TENM2: variants seen among roughly 807,000 people sequenced by gnomAD.
TENM2 encodes the protein teneurin transmembrane protein 2.
TENM2 carries 52 observed loss-of-function variants against 245.2 expected under a neutral mutation model. The observed-to-expected ratio is 0.21, with a 90% CI of 0.17 to 0.27. The LOEUF (loss-of-function observed/expected upper bound fraction) is 0.27, where lower values mean the gene tolerates loss of function less well. Among genes scored for constraint, TENM2 ranks in the 10% least tolerant of loss-of-function variants. TENM2 has a pLI of 1.00. For synonymous variants in TENM2, 1,363 were observed against 1,438.9 expected (o/e 0.95, Z 1.19); for missense variants, 3,046 against 3,666.8 (o/e 0.83, Z 4.37).
the TENM2 span, among the ~76,000 whole-genome samples, chr5:167,196,069 TG>T: frequency 6.6e-6 from 1 of 152,178 alleles, no homozygotes; most frequent in African/African-American, 2.4e-5. Flanking sequence ...TCGCAGAATG[TG>T]CTTACACAAA....
At chr5:168,252,843 G>T in intron 27 of TENM2, among the ~76,000 whole-genome samples, 1 of 149,080 alleles carries the variant, frequency 6.7e-6, no homozygotes, top group African/African-American at 2.5e-5. Flanking sequence ...GCGAAACTCA[G>T]TCTCAAAAAA....
intron 1 of TENM2, among the ~76,000 whole-genome samples, chr5:167,325,045 C>A (rs1194475633): frequency 6.6e-6 from 1 of 152,116 alleles, no homozygotes; most frequent in East Asian, 1.9e-4. Flanking sequence ...AGTGTTCATT[C>A]CCCTTCCACC....
At chr5:167,531,875 G>GA (rs1771529899) in intron 2 of TENM2, among the ~76,000 whole-genome samples, 1 of 152,248 alleles carries the variant, frequency 6.6e-6, no homozygotes, top group East Asian at 1.9e-4. Flanking sequence ...GTCCATACTT[G>GA]AACTCCTATA....
intron 2 of TENM2, among the ~76,000 whole-genome samples, chr5:167,531,086 T>G (rs1771467813): frequency 6.6e-6 from 1 of 152,196 alleles, no homozygotes; most frequent in Admixed American, 6.5e-5. Flanking sequence ...AATATTCTGT[T>G]GACAAATCTT....
At chr5:167,953,107 G>T (rs551246784) in intron 4 of TENM2, among the ~76,000 whole-genome samples, 1 of 152,106 alleles carries the variant, frequency 6.6e-6, no homozygotes, top group Non-Finnish European at 1.5e-5. Flanking sequence ...TTACTCGAAG[G>T]CTCATGGGAA....
chr5:167,024,827 C>CT, the TENM2 span, among the ~76,000 whole-genome samples: 1 of 152,184 alleles, frequency 6.6e-6, no homozygotes, highest in Admixed American at 6.5e-5. Context: ...CCAGATTCAT[C>CT]TTTTTTCAAC....
rs76155764 is a variant in TENM2, at chr5:167,635,633, C to CTTTT, written c.503-240327_503-240324dup. 3.9e-3 allele frequency among the ~76,000 whole-genome samples: 294 copies of CTTTT among 74,920 alleles called. 46 individuals are homozygous for CTTTT. Among genetic ancestry groups the CTTTT allele is most frequent in the African/African-American group, 0.014 (233 of 16,848 alleles). The allele number at this position is 74,920 out of a possible 152,430, so 49.2% of individuals were successfully genotyped here. A position where few individuals can be genotyped will look rare whatever the true frequency, so the allele number is the denominator to read the frequency against. On this transcript the variant is annotated intron_variant, in intron 2 of 28. Coordinates refer to ENST00000518659, the Ensembl canonical transcript of TENM2. Reference sequence around the variant, plus strand: ...GGAATCTGGCTATGATCAGTACAGTCTTTTTTTTTTTTTTTTTTTTTTTTT... The same window carrying CTTTT: ...GGAATCTGGCTATGATCAGTACAGTCTTTTTTTTTTTTTTTTTTTTTTTTTTTTT...
At chr5:167,702,042 G>A (rs962901611) in intron 2 of TENM2, among the ~76,000 whole-genome samples, 6 of 152,250 alleles carry the variant, frequency 3.9e-5, no homozygotes, top group African/African-American at 1.4e-4. Flanking sequence ...TTTGAAGATT[G>A]CAAAAGCTAT....
intron 2 of TENM2, among the ~76,000 whole-genome samples, chr5:167,687,966 TACA>T (rs1245350082): frequency 6.6e-6 from 1 of 152,216 alleles, no homozygotes; most frequent in African/African-American, 2.4e-5. Flanking sequence ...TAATAAAATT[TACA>T]ACAATAATAG....
rs1561968205 is a variant in TENM2 at position 167,452,950 on chromosome 5, T to TATATTTTAA, written c.502+77481_502+77482insTTTAAATAT. 2.0e-3 allele frequency among the ~76,000 whole-genome samples: 201 copies of TATATTTTAA among 99,638 alleles called. 8 individuals carry two copies. The highest frequency in any genetic ancestry group is 5.4e-3 in the African/African-American group (159 of 29,476). 65.4% of individuals were successfully genotyped at this position (99,638 alleles called of 152,430 possible). ...TATGATTTATATATATATATATATA[T>TATATTTTAA]ATATATATATATTTAAAAAAAAAAA... On this transcript the variant is annotated intron_variant, in intron 2 of 28. Transcript: ENST00000518659.
rs1340018017 is a variant in TENM2, at chr5:168,238,284, GAAAAGAAAAGAAAAGAAAAA to G, written c.5521-6134_5521-6115del. 1.7e-4 allele frequency among the ~76,000 whole-genome samples: 25 copies of G among 146,788 alleles called. 1 individual carries two copies. The highest frequency in any genetic ancestry group is 5.1e-4 in the African/African-American group (20 of 39,076). On this transcript the variant is annotated intron_variant, in intron 25 of 28. Transcript: ENST00000518659. The stretch of plus-strand genomic sequence containing the variant: ...GAAAAGAAAAGAAAAGAAAAGAAAA[GAAAAGAAAAGAAAAGAAAAA>G]ATCCCAGAAGACTGACCCGGAAAGA...
At chr5:167,503,259 A>T (rs1001754802) in intron 2 of TENM2, among the ~76,000 whole-genome samples, 8 of 152,208 alleles carry the variant, frequency 5.3e-5, no homozygotes, top group Non-Finnish European at 7.3e-5. Context: ...ATATTTTTTT[A>T]AATTGGAAGC....
chr5:168,038,080 G>T (rs1787867095), intron 5 of TENM2, among the ~76,000 whole-genome samples: 1 of 152,140 alleles, frequency 6.6e-6, no homozygotes, highest in African/African-American at 2.4e-5. Context: ...AGAGCTTCAG[G>T]TGTCACACAG....
chr5:168,005,428 G>A (rs1784748525), intron 5 of TENM2, among the ~76,000 whole-genome samples: 1 of 152,060 alleles, frequency 6.6e-6, no homozygotes, highest in South Asian at 2.1e-4. Flanking sequence ...TTTTGCCCAC[G>A]CCCTTTGTAA....
chr5:167,769,624 C>T (rs767962163), intron 2 of TENM2, among the ~76,000 whole-genome samples: 1 of 152,142 alleles, frequency 6.6e-6, no homozygotes, highest in East Asian at 1.9e-4. Context: ...TTGTAAGTAT[C>T]GTATTCCATT....
At chr5:167,323,055 A>G (rs1756863343) in intron 1 of TENM2, among the ~76,000 whole-genome samples, 1 of 152,204 alleles carries the variant, frequency 6.6e-6, no homozygotes, top group African/African-American at 2.4e-5. Flanking sequence ...CTTTAACCAC[A>G]CTTCAGTTTG....
intron 25 of TENM2, among the ~76,000 whole-genome samples, chr5:168,242,378 T>G (rs1233967571): frequency 6.6e-6 from 1 of 152,134 alleles, no homozygotes; most frequent in Non-Finnish European, 1.5e-5. Context: ...AGTCTGTTCA[T>G]CATTTGACAC....
intron 2 of TENM2, among the ~76,000 whole-genome samples, chr5:167,458,073 T>A (rs1766029106): frequency 2.6e-5 from 4 of 152,340 alleles, no homozygotes; most frequent in Admixed American, 2.6e-4. Context: ...AAGTCAGTGT[T>A]GCTCTTTTGG....
At chr5:167,935,755 C>G (rs1198212920) in intron 3 of TENM2, among the ~76,000 whole-genome samples, 1 of 152,164 alleles carries the variant, frequency 6.6e-6, no homozygotes, top group Non-Finnish European at 1.5e-5. Flanking sequence ...GGGACTAGAA[C>G]AGACCAAGTC....
Sources: allele counts gnomAD v4.1 joint callset (sites outside exome capture counted in the v4.1 genomes callset), GRCh38; gene constraint gnomAD v4.1.1; transcripts MANE v1.5; gene names NCBI Gene and HGNC (gene_info 2026-07-23, HGNC 2026-07-21).